Variants in TENM1 observed in about 807,000 individuals in gnomAD.
The protein encoded by TENM1 is teneurin-1.
TENM1 carries 35 observed loss-of-function variants against 174.8 expected under a neutral mutation model. The ratio of observed to expected loss-of-function variants is 0.20; its 90% CI spans 0.15 to 0.27. The LOEUF is 0.27. Among genes scored for constraint, TENM1 ranks in the 10% least tolerant of loss-of-function variants. The pLI is 1.00. For synonymous variants in TENM1, 781 were observed against 798.7 expected (o/e 0.98, Z 0.37); for missense variants, 1,633 against 2,130.1 (o/e 0.77, Z 4.59).
chrX:124,666,744 G>A lies in TENM1; in HGVS notation c.1168+4939C>T, dbSNP rs1284745587. 2.7e-5 allele frequency among the ~76,000 whole-genome samples: 3 copies of A among 111,272 alleles called. No individual in the cohort carries two copies. The East Asian group carries it at 8.4e-4, about 31-fold the overall frequency. ...TGAATAATTAGTTGAGATTAGAACT[G>A]TCTGTTTCCCTGAAACTAGCTAGAA... On this transcript the variant is annotated intron_variant, in intron 6 of 31. Transcript: ENST00000422452.
chrX:125,092,274 G>T, the TENM1 span, among the ~76,000 whole-genome samples: 1 of 111,077 alleles, frequency 9.0e-6, no homozygotes, highest in African/African-American at 3.3e-5. Context: ...GATCCCAACA[G>T]AAGTAAGCTA....
At chrX:124,933,226 T>C (rs1178032889) in intron 1 of TENM1, among the ~76,000 whole-genome samples, 1 of 111,896 alleles carries the variant, frequency 8.9e-6, no homozygotes, top group Non-Finnish European at 1.9e-5. Context: ...TTTCACCTTT[T>C]TCAGCTCTCC....
chrX:125,119,966 T>C, the TENM1 span, among the ~76,000 whole-genome samples: 325 of 111,486 alleles, frequency 2.9e-3, 2 homozygotes, highest in Middle Eastern at 0.014. Flanking sequence ...CGGTCTTTCT[T>C]CATTAACTTT....
intron 5 of TENM1, among the ~76,000 whole-genome samples, chrX:124,693,820 T>G (rs1178099235): frequency 9.0e-6 from 1 of 111,064 alleles, no homozygotes; most frequent in Non-Finnish European, 1.9e-5. Context: ...TAGAGCTTTG[T>G]GTAGGTGTTG....
At chrX:124,444,998 C>T (rs1050546996) in intron 23 of TENM1, among the ~76,000 whole-genome samples, 6 of 111,402 alleles carry the variant, frequency 5.4e-5, no homozygotes, top group South Asian at 3.8e-4. Context: ...ATTGGTTGTG[C>T]GGCCTTAACC....
intron 1 of TENM1, among the ~76,000 whole-genome samples, chrX:124,940,109 T>C (rs756798904): frequency 1.1e-4 from 12 of 111,928 alleles, no homozygotes; most frequent in African/African-American, 2.3e-4. Context: ...CATCAGTTCA[T>C]GTGTGAACAT....
At chrX:124,794,606 A>T (rs1056097403) in intron 3 of TENM1, among the ~76,000 whole-genome samples, 2 of 110,325 alleles carry the variant, frequency 1.8e-5, no homozygotes, top group Admixed American at 9.7e-5. Flanking sequence ...CCCACTTCCA[A>T]TCCCCCCGCC....
chrX:124,378,556 A>G (rs753440732), exon 32 of TENM1: 1 of 112,129 alleles, frequency 8.9e-6, no homozygotes, highest in Non-Finnish European at 1.9e-5. Flanking sequence ...AAAACCCAAT[A>G]ATATGATTTT....
intron 3 of TENM1, among the ~76,000 whole-genome samples, chrX:124,759,042 T>C (rs1338347345): frequency 8.9e-6 from 1 of 112,174 alleles, no homozygotes. Context: ...ATATTTTATG[T>C]GTTTTTATCA....
intron 3 of TENM1, among the ~76,000 whole-genome samples, chrX:124,844,233 A>G (rs1051994114): frequency 8.9e-6 from 1 of 112,360 alleles, no homozygotes; most frequent in African/African-American, 3.2e-5. Flanking sequence ...AGGGCATAAA[A>G]ATAAGTGTTT....
intron 11 of TENM1, among the ~76,000 whole-genome samples, chrX:124,593,185 A>G (rs1251246363): frequency 9.0e-6 from 1 of 111,579 alleles, no homozygotes; most frequent in Non-Finnish European, 1.9e-5. Flanking sequence ...CACCAGGTGA[A>G]TAGGTGCTTT....
At chrX:124,678,666 T>C (rs1479772287) in intron 5 of TENM1, among the ~76,000 whole-genome samples, 4 of 111,033 alleles carry the variant, frequency 3.6e-5, no homozygotes, top group Non-Finnish European at 7.6e-5. Context: ...CCCAGATACA[T>C]AAAACAGATA....
intron 3 of TENM1, among the ~76,000 whole-genome samples, chrX:124,875,636 G>C (rs2057185198): frequency 9.1e-6 from 1 of 109,714 alleles, no homozygotes; most frequent in South Asian, 3.9e-4. Context: ...AGCACTTTGG[G>C]AGGCCAAGGT....
At chrX:125,133,444 A>AC in the TENM1 span, among the ~76,000 whole-genome samples, 1 of 110,119 alleles carries the variant, frequency 9.1e-6, no homozygotes, top group Admixed American at 9.8e-5. Flanking sequence ...TTTCCCCATC[A>AC]CCCCATCCCT....
At chrX:125,010,813 A>C in the TENM1 span, among the ~76,000 whole-genome samples, 3 of 61,395 alleles carry the variant, frequency 4.9e-5, no homozygotes, top group South Asian at 7.1e-4. Context: ...GACTCCGTCT[A>C]AAAAAAAAAA....
chrX:124,603,392 G>A (rs1001780888), intron 11 of TENM1, among the ~76,000 whole-genome samples: 9 of 111,712 alleles, frequency 8.1e-5, no homozygotes, highest in Non-Finnish European at 1.3e-4. Flanking sequence ...AACATTTATC[G>A]GGAATTTTAG....
chrX:124,580,333 A>G (rs1431532199), intron 11 of TENM1, among the ~76,000 whole-genome samples: 1 of 111,266 alleles, frequency 9.0e-6, no homozygotes, highest in Non-Finnish European at 1.9e-5. Context: ...ATGTTACGCT[A>G]AGTGGAATAA....
chrX:124,940,270 CTA>C (rs1477866949), intron 1 of TENM1, among the ~76,000 whole-genome samples: 1 of 111,667 alleles, frequency 9.0e-6, no homozygotes, highest in Non-Finnish European at 1.9e-5. Context: ...TACACTGCTT[CTA>C]TATCAGGGTG....
the TENM1 span, among the ~76,000 whole-genome samples, chrX:125,093,550 A>C: frequency 3.0e-4 from 34 of 111,967 alleles, no homozygotes; most frequent in African/African-American, 9.7e-4. Flanking sequence ...CTCATGTACC[A>C]AATTTCATTG....
Sources: gnomAD v4.1 joint callset for allele counts (sites outside exome capture counted in the v4.1 genomes callset) on GRCh38, gnomAD v4.1.1 for gene constraint, MANE v1.5 for transcripts, NCBI Gene and HGNC (gene_info 2026-07-23, HGNC 2026-07-21) for gene names.